The following CSMD1 variants were observed in gnomAD, a reference collection of about 807,000 sequenced individuals.
CSMD1 encodes the protein CUB and sushi domain-containing protein 1.
CSMD1 carries 213 observed loss-of-function variants against 417.5 expected under a neutral mutation model. The ratio of observed to expected loss-of-function variants is 0.51; its 90% CI spans 0.46 to 0.57. CSMD1 has a LOEUF of 0.57. Ranked by LOEUF, CSMD1 falls within the 20% of genes least tolerant of loss-of-function variation. The pLI is 0.00. For missense variants in CSMD1, 6,923 were observed against 4,529.7 expected (o/e 1.53, Z -15.17); for synonymous variants, 2,862 against 1,736.8 (o/e 1.65, Z -16.11).
intron 23 of CSMD1, among the ~76,000 whole-genome samples, chr8:3,341,902 C>T (rs960835960): frequency 1.3e-5 from 2 of 152,062 alleles, no homozygotes; most frequent in African/African-American, 4.8e-5. Flanking sequence ...TTGAACATCT[C>T]GACAGGGACG....
intron 4 of CSMD1, among the ~76,000 whole-genome samples, chr8:4,020,396 G>A (rs1227059024): frequency 6.6e-6 from 1 of 152,184 alleles, no homozygotes; most frequent in African/African-American, 2.4e-5. Context: ...AACTGACACT[G>A]AGCATGACAT....
At chr8:4,087,957 G>A (rs557235811) in intron 3 of CSMD1, among the ~76,000 whole-genome samples, 14 of 152,136 alleles carry the variant, frequency 9.2e-5, no homozygotes, top group Non-Finnish European at 1.5e-4. Flanking sequence ...TAAGAACGGT[G>A]GTATCCAAGA....
chr8:4,235,204 G>C (rs1448419432), intron 3 of CSMD1, among the ~76,000 whole-genome samples: 4 of 152,094 alleles, frequency 2.6e-5, no homozygotes, highest in Non-Finnish European at 5.9e-5. Flanking sequence ...CCAAACTCAA[G>C]AATGGACCAA....
Position 3,974,923 on chromosome 8 carries a change from C to A in CSMD1, c.818+22980G>T, listed in dbSNP as rs989716276. ...TTTTTATCTACTACAATAAAATTATCTTGATTACTTCGAACAAATCAAAAC... is the reference window on the plus strand; with the variant it reads ...TTTTTATCTACTACAATAAAATTATATTGATTACTTCGAACAAATCAAAAC... On this transcript the variant is annotated intron_variant, in intron 5 of 69. Coordinates refer to ENST00000635120, the MANE Select transcript of CSMD1 (RefSeq NM_033225.6). Among the ~76,000 whole-genome samples, 11 of 152,070 alleles carry A rather than the reference C, an allele frequency of 7.2e-5. No individual in the cohort carries two copies. The South Asian group carries it at 8.3e-4, about 11-fold the overall frequency.
At chr8:4,033,740 T>C (rs377640195) in intron 3 of CSMD1, among the ~76,000 whole-genome samples, 5 of 152,178 alleles carry the variant, frequency 3.3e-5, no homozygotes, top group Non-Finnish European at 7.3e-5. Context: ...ATTTCAATAA[T>C]GGGGTATTGA....
At chr8:3,435,463 A>G (rs182295968) in intron 12 of CSMD1, among the ~76,000 whole-genome samples, 1 of 151,834 alleles carries the variant, frequency 6.6e-6, no homozygotes, top group Non-Finnish European at 1.5e-5. Flanking sequence ...TTAGACCACC[A>G]CATTCTGTCC....
At chr8:4,915,415 A>G (rs951949209) in intron 1 of CSMD1, among the ~76,000 whole-genome samples, 1 of 152,232 alleles carries the variant, frequency 6.6e-6, no homozygotes, top group African/African-American at 2.4e-5. Flanking sequence ...AATTGTTTAC[A>G]CTGTGTTGTC....
chr8:3,512,471 G>A (rs1797116565), intron 10 of CSMD1, among the ~76,000 whole-genome samples: 1 of 152,118 alleles, frequency 6.6e-6, no homozygotes, highest in Admixed American at 6.5e-5. Context: ...GACACCTAAG[G>A]ATGCTGTAAG....
rs139024269 is a variant in CSMD1, at chr8:3,640,412, A to G, written c.1010-23615T>C. ...TCTTCTCAAAACTATGGTACATTGT[A>G]AAGACCAGAGACCATCTTTCCTATG... On this transcript the variant is annotated intron_variant, in intron 7 of 69. Transcript: ENST00000635120. Among the ~76,000 whole-genome samples the G allele has an allele frequency of 5.0e-3, 760 of 152,332 alleles. 7 individuals carry two copies. The highest frequency in any genetic ancestry group is 0.018 in the African/African-American group (733 of 41,580).
At chr8:4,083,942 C>T (rs890725314) in intron 3 of CSMD1, among the ~76,000 whole-genome samples, 1 of 152,116 alleles carries the variant, frequency 6.6e-6, no homozygotes, top group South Asian at 2.1e-4. Flanking sequence ...AACCTACTCA[C>T]ATCTGACAAA....
chr8:3,557,821 T>C (rs957415029), intron 10 of CSMD1, among the ~76,000 whole-genome samples: 4 of 152,208 alleles, frequency 2.6e-5, no homozygotes, highest in Admixed American at 1.3e-4. Context: ...TGATTATTAA[T>C]AGCATTATCA....
At chr8:4,170,370 G>C (rs1797703469) in intron 3 of CSMD1, among the ~76,000 whole-genome samples, 1 of 151,862 alleles carries the variant, frequency 6.6e-6, no homozygotes, top group Non-Finnish European at 1.5e-5. Flanking sequence ...GATAATTTAT[G>C]AAAAATTGAA....
chr8:4,948,270 T>C (rs1808498172), intron 1 of CSMD1, among the ~76,000 whole-genome samples: 1 of 152,072 alleles, frequency 6.6e-6, no homozygotes, highest in Non-Finnish European at 1.5e-5. Flanking sequence ...TTACCATTAA[T>C]GGGGTTGAAT....
intron 49 of CSMD1, among the ~76,000 whole-genome samples, chr8:3,081,984 T>A (rs1034812192): frequency 6.6e-6 from 1 of 152,198 alleles, no homozygotes; most frequent in African/African-American, 2.4e-5. Context: ...CTTATTTCAC[T>A]GAGTGGCACC....
At chr8:4,514,757 G>A (rs186614732) in intron 2 of CSMD1, among the ~76,000 whole-genome samples, 1 of 152,126 alleles carries the variant, frequency 6.6e-6, no homozygotes, top group African/African-American at 2.4e-5. Flanking sequence ...GTGAACAGTG[G>A]AGAATAAAGA....
chr8:3,926,098 C>CACCATACAG (rs1809684351), intron 5 of CSMD1, among the ~76,000 whole-genome samples: 1 of 81,936 alleles, frequency 1.2e-5, no homozygotes, highest in African/African-American at 5.2e-5. Flanking sequence ...CACACACACA[C>CACCATACAG]ACACACACAC....
At chr8:4,924,641 G>T (rs1348230667) in intron 1 of CSMD1, among the ~76,000 whole-genome samples, 2 of 125,856 alleles carry the variant, frequency 1.6e-5, no homozygotes, top group African/African-American at 6.0e-5. Flanking sequence ...AGAATTACTT[G>T]AAACTGGGAG....
At chr8:3,639,794 C>T (rs1437422301) in intron 7 of CSMD1, among the ~76,000 whole-genome samples, 3 of 152,132 alleles carry the variant, frequency 2.0e-5, no homozygotes, top group African/African-American at 7.2e-5. Flanking sequence ...AACTACTCAT[C>T]CTATTTTGGT....
At chr8:3,705,262 G>A (rs1338895407) in intron 7 of CSMD1, among the ~76,000 whole-genome samples, 3 of 152,190 alleles carry the variant, frequency 2.0e-5, no homozygotes, top group Non-Finnish European at 2.9e-5. Context: ...GAACGCACAA[G>A]GTCACCCTCT....
Sources: gnomAD v4.1 joint callset for allele counts (sites outside exome capture counted in the v4.1 genomes callset) on GRCh38, gnomAD v4.1.1 for gene constraint, MANE v1.5 for transcripts, NCBI Gene and HGNC (gene_info 2026-07-23, HGNC 2026-07-21) for gene names.